Variants in ZFYVE1 observed in about 807,000 individuals in gnomAD.
The protein encoded by ZFYVE1 is zinc finger FYVE-type containing 1, also known as zinc finger FYVE domain-containing protein 1.
Under a neutral mutation model 74.4 loss-of-function variants are expected in ZFYVE1, and 30 were observed. The observed-to-expected ratio is 0.40, with a 90% CI of 0.30 to 0.55. ZFYVE1 has a LOEUF of 0.55. Among genes scored for constraint, ZFYVE1 ranks in the 20% least tolerant of loss-of-function variants. The pLI, the probability that ZFYVE1 is intolerant of heterozygous loss-of-function variation, is 0.42. For synonymous variants in ZFYVE1, 335 were observed against 385.1 expected, an observed-to-expected ratio of 0.87 and a Z score of 1.52; for missense variants, 703 against 1,011.6, an observed-to-expected ratio of 0.69 and a Z score of 4.14.
chr14:72,999,337 G>C (rs887979450), intron 2 of ZFYVE1, among the ~76,000 whole-genome samples: 5 of 152,038 alleles, frequency 3.3e-5, no homozygotes, highest in African/African-American at 9.7e-5. Context: ...TATGGCAGGA[G>C]AATCACTTGA....
At chr14:72,979,062 C>T (rs914667186) in intron 5 of ZFYVE1, 93 bp from the exon 6 acceptor site, 14 of 1,071,608 alleles carry the variant, frequency 1.3e-5, no homozygotes, top group East Asian at 7.2e-5. Flanking sequence ...CACAAGGCCA[C>T]GACCAGACCT....
intron 3 of ZFYVE1, 144 bp downstream of exon 3, chr14:72,997,667 A>G: frequency 1.8e-6 from 2 of 1,116,196 alleles, no homozygotes; most frequent in Non-Finnish European, 2.5e-6. Context: ...TGATCACTCC[A>G]TCCTCCTTGA....
rs1893016582 is a variant in ZFYVE1, at chr14:72,970,923, G to A, written c.2293C>T (p.Arg765Ter). Residue 765 changes from arginine (R) to a stop codon, truncating the protein, a stop_gained, in exon 12 of 12, where the codon CGA becomes TGA. Coordinates refer to ENST00000556143, the MANE Select transcript of ZFYVE1 (RefSeq NM_021260.4). LOFTEE classifies it high-confidence loss of function. ...TTTTTATTGCAGTTGAAGCAGACTC[G>A]GACGGGATGGTCCCAGCCACGAGAA... is the stretch of plus-strand genomic sequence containing the variant. ...VPSRGWDHPV[R>*]VCFNCNKKPG... The A allele has an allele frequency of 1.2e-6, 2 of 1,614,224 alleles. No individual in the cohort carries two copies. Among genetic ancestry groups the A allele is most frequent in the East Asian group, 2.2e-5 (1 of 44,880 alleles).
In ZFYVE1 at chr14:72,978,975, T is replaced by G. The variant is rs1337532192; in HGVS notation, c.1311-6A>C. ...TGCTTTTCTTACATCCAACCCTGAATGAAGCCCAAAGACTGACAATGAGAC... is the reference window on the plus strand; with the variant it reads ...TGCTTTTCTTACATCCAACCCTGAAGGAAGCCCAAAGACTGACAATGAGAC... On this transcript the variant is annotated splice_polypyrimidine_tract_variant and splice_region_variant and intron_variant, in intron 5 of 11. Transcript: ENST00000556143. The G allele has an allele frequency of 1.9e-6, 3 of 1,613,052 alleles. No individual in the cohort carries two copies. In the South Asian group the frequency reaches 3.3e-5, roughly 18 times the overall value.
chr14:72,975,785 G>C lies in ZFYVE1; in HGVS notation c.1636-64C>G. On this transcript the variant is annotated intron_variant, in intron 8 of 11. Coordinates refer to ENST00000556143, the MANE Select transcript of ZFYVE1 (RefSeq NM_021260.4). The surrounding 1 kb of genome is among the most constrained non-coding windows in gnomAD (Gnocchi z 4.1). ...GGGAGTGAAAGGAAGGAGGAAGAGGGATGTTTGGTGAGTTGCACACTCACC... is the reference window on the plus strand; with the variant it reads ...GGGAGTGAAAGGAAGGAGGAAGAGGCATGTTTGGTGAGTTGCACACTCACC... 6.3e-7 allele frequency: 1 copy of C among 1,577,160 alleles called. No individual in the cohort carries two copies. Among genetic ancestry groups the C allele is most frequent in the Non-Finnish European group, 8.6e-7 (1 of 1,160,234 alleles).
chr14:72,975,007 T>G lies in ZFYVE1; in HGVS notation c.1807-48A>C. The stretch of plus-strand genomic sequence containing the variant: ...CAGAGAGGCAGGTAGGTATGGTACA[T>G]GTCTGCTCAGCTGAGAAAGTCAACA... On this transcript the variant is annotated intron_variant, in intron 9 of 11. Coordinates refer to ENST00000556143, the MANE Select transcript of ZFYVE1 (RefSeq NM_021260.4). The surrounding 1 kb of genome is among the most constrained non-coding windows in gnomAD (Gnocchi z 4.1). 1 of 1,551,524 alleles carries G rather than the reference T, an allele frequency of 6.4e-7. No homozygotes were observed. Among genetic ancestry groups the G allele is most frequent in the Non-Finnish European group, 8.8e-7 (1 of 1,140,914 alleles).
intron 4 of ZFYVE1, among the ~76,000 whole-genome samples, chr14:72,992,615 G>GCCCT (rs1893640468): frequency 4.6e-5 from 5 of 109,086 alleles, no homozygotes; most frequent in Admixed American, 2.7e-4. Context: ...CCATTCAGGT[G>GCCCT]CCCCCCCCGC....
intron 2 of ZFYVE1, among the ~76,000 whole-genome samples, chr14:73,003,149 G>C (rs1893911344): frequency 6.8e-6 from 1 of 147,590 alleles, no homozygotes; most frequent in Non-Finnish European, 1.5e-5. Context: ...CCGCCTTCTG[G>C]ATTCAAGCCA....
At chr14:72,993,682 A>C (rs1893677320) in intron 3 of ZFYVE1, among the ~76,000 whole-genome samples, 1 of 151,108 alleles carries the variant, frequency 6.6e-6, no homozygotes, top group Non-Finnish European at 1.5e-5. Flanking sequence ...CTGGGAGACA[A>C]AAGTGACTCT....
intron 1 of ZFYVE1, among the ~76,000 whole-genome samples, chr14:73,025,738 T>G (rs1347077707): frequency 1.4e-5 from 2 of 143,226 alleles, no homozygotes; most frequent in Non-Finnish European, 3.0e-5. Flanking sequence ...TGGCTAAAGC[T>G]CCTCCTCTTG....
intron 4 of ZFYVE1, among the ~76,000 whole-genome samples, chr14:72,992,593 TG>T (rs1301120748): frequency 2.2e-5 from 3 of 139,046 alleles, no homozygotes; most frequent in African/African-American, 5.5e-5. Context: ...TTTCTACCTC[TG>T]GGGGGAGGTC....
chr14:72,985,793 T>C (rs1457542301), intron 4 of ZFYVE1, among the ~76,000 whole-genome samples: 1 of 68,308 alleles, frequency 1.5e-5, no homozygotes, highest in Non-Finnish European at 3.0e-5. Flanking sequence ...TTATTTTCAT[T>C]TTTTAAAATG....
At chr14:72,978,073 C>A in intron 7 of ZFYVE1, 29 bp from the exon 8 acceptor site, 1 of 1,613,920 alleles carries the variant, frequency 6.2e-7, no homozygotes, top group Non-Finnish European at 8.5e-7. Context: ...AATACTGTTA[C>A]CCAGCCAGGT....
At chr14:73,011,802 G>A (rs901689578) in intron 2 of ZFYVE1, among the ~76,000 whole-genome samples, 13 of 150,170 alleles carry the variant, frequency 8.7e-5, no homozygotes, top group African/African-American at 3.2e-4. Context: ...GATTACAGGC[G>A]TGAGCCACCA....
Position 73,024,322 on chromosome 14 carries a change from G to C in ZFYVE1, c.187C>G (p.Leu63Val). ...ERLRNHERIR[L>V]KPGHVPYCDL... ...CAGTAAGGGACATGGCCAGGTTTGA[G>C]TCTTATCCGCTCATGGTTTCTCAGG... The change falls in exon 2 of 12, where the codon CTC (leucine) becomes GTC (valine). Residue 63 changes from leucine to valine, a missense_variant. Transcript: ENST00000556143. The C allele has an allele frequency of 6.2e-7, 1 of 1,614,130 alleles. No individual in the cohort carries two copies.
chr14:73,007,076 G>C (rs1237227186), intron 2 of ZFYVE1, among the ~76,000 whole-genome samples: 2 of 152,086 alleles, frequency 1.3e-5, no homozygotes, highest in Non-Finnish European at 2.9e-5. Context: ...TGCGACCCAA[G>C]CAGGCCAAGG....
At chr14:73,025,288 T>G (rs954556328) in intron 1 of ZFYVE1, among the ~76,000 whole-genome samples, 4 of 151,912 alleles carry the variant, frequency 2.6e-5, no homozygotes, top group Admixed American at 2.6e-4. Flanking sequence ...AGGCTGGTCT[T>G]GAACTCTTGA....
intron 11 of ZFYVE1, 105 bp from the exon 12 acceptor site, chr14:72,971,219 C>G (rs550314592): frequency 9.7e-6 from 11 of 1,134,376 alleles, no homozygotes; most frequent in East Asian, 2.5e-5. Flanking sequence ...CCCAACTGCA[C>G]ACAGAATTGC....
chr14:72,975,028 C>A lies in ZFYVE1; in HGVS notation c.1807-69G>T. The stretch of plus-strand genomic sequence containing the variant: ...TACATGTCTGCTCAGCTGAGAAAGT[C>A]AACAAGACCCCGGAGCAAGCAGAAA... On this transcript the variant is annotated intron_variant, in intron 9 of 11. Coordinates refer to ENST00000556143, the MANE Select transcript of ZFYVE1 (RefSeq NM_021260.4). This position sits in a 1 kb window ranked among gnomAD's most constrained non-coding sequence, Gnocchi z 4.1. The A allele has an allele frequency of 1.3e-6, 2 of 1,501,202 alleles. No individual in the cohort carries two copies. Among genetic ancestry groups the A allele is most frequent in the South Asian group, 2.7e-5 (2 of 74,788 alleles). The allele number at this position is 1,501,202 out of a possible 1,614,324, so 93.0% of individuals were successfully genotyped here.
Sources: gnomAD v4.1 joint callset for allele counts (sites outside exome capture counted in the v4.1 genomes callset) on GRCh38, gnomAD v4.1.1 for gene constraint, Gnocchi (gnomAD v3.1) non-coding constraint, MANE v1.5 for transcripts, NCBI Gene and HGNC (gene_info 2026-07-23, HGNC 2026-07-21) for gene names.